PLEKHA8: variants seen among roughly 807,000 people sequenced by gnomAD.
PLEKHA8 encodes the protein pleckstrin homology domain containing A8.
In PLEKHA8, 36 loss-of-function variants were observed where a neutral mutation model predicts 68.2. The ratio of observed to expected loss-of-function variants is 0.53; its 90% confidence interval spans 0.40 to 0.70. PLEKHA8 has a LOEUF of 0.70. Ranked by LOEUF, PLEKHA8 falls within the 30% of genes least tolerant of loss-of-function variation. The pLI, the probability that PLEKHA8 is intolerant of heterozygous loss-of-function variation, is 0.00. For missense variants in PLEKHA8, 505 were observed against 615.4 expected (o/e 0.82, Z 1.90); for synonymous variants, 211 against 216.1 (o/e 0.98, Z 0.20).
chr7:30,030,014 GA>G (rs1344285525), intron 1 of PLEKHA8, among the ~76,000 whole-genome samples: 1 of 152,140 alleles, frequency 6.6e-6, no homozygotes, highest in Non-Finnish European at 1.5e-5. Flanking sequence ...TTGCGTCAAG[GA>G]CCTTCAGTGA....
At chr7:30,122,675 C>A (rs1442606419) in intron 13 of PLEKHA8, among the ~76,000 whole-genome samples, 3 of 152,144 alleles carry the variant, frequency 2.0e-5, no homozygotes, top group Admixed American at 1.3e-4. Context: ...GTGAGCCAAT[C>A]AAATTGGAGC....
At chr7:30,085,416 A>G (rs1364574799), downstream of PLEKHA8, among the ~76,000 whole-genome samples, 2 of 152,154 alleles carry the variant, frequency 1.3e-5, no homozygotes, top group African/African-American at 4.8e-5. Context: ...GAGACACTAG[A>G]TGTAGAACAA....
chr7:30,099,814 A>G (rs1384369776), intron 13 of PLEKHA8, among the ~76,000 whole-genome samples: 1 of 152,238 alleles, frequency 6.6e-6, no homozygotes, highest in Non-Finnish European at 1.5e-5. Flanking sequence ...TAACATAACA[A>G]AAAATTCATG....
Position 30,079,917 on chromosome 7 carries a change from AG to A in PLEKHA8, c.*1132del. 1 of 974,928 alleles carries A rather than the reference AG, an allele frequency of 1.0e-6. No homozygotes were observed. Among genetic ancestry groups the A allele is most frequent in the African/African-American group, 1.8e-5 (1 of 56,528 alleles). The allele number at this position is 974,928 out of a possible 1,614,324, so 60.4% of individuals were successfully genotyped here. A position where few individuals can be genotyped will look rare whatever the true frequency, so the allele number is the denominator to read the frequency against. On this transcript the variant is annotated 3_prime_UTR_variant, in exon 14 of 14. Transcript: ENST00000449726. ...TATGTCCTTTTTTTTTTTTTCAAAGAGGATAAGGCTGCTATTTAAATAAAAT... is the reference window on the plus strand; with the variant it reads ...TATGTCCTTTTTTTTTTTTTCAAAGAGATAAGGCTGCTATTTAAATAAAAT...
At chr7:30,113,426 C>A (rs1298680867) in intron 13 of PLEKHA8, among the ~76,000 whole-genome samples, 1 of 152,186 alleles carries the variant, frequency 6.6e-6, no homozygotes, top group Non-Finnish European at 1.5e-5. Context: ...CTATTGAGTA[C>A]TGTGCTGTCA....
At chr7:30,045,271 GC>G in intron 2 of PLEKHA8, 70 bp downstream of exon 2, 2 of 1,130,562 alleles carry the variant, frequency 1.8e-6, no homozygotes, top group Non-Finnish European at 2.6e-6. Context: ...AAAGCCCCTG[GC>G]CCCTGCATAC....
chr7:30,037,534 C>T (rs1157556907), intron 1 of PLEKHA8, among the ~76,000 whole-genome samples: 1 of 152,098 alleles, frequency 6.6e-6, no homozygotes, highest in Non-Finnish European at 1.5e-5. Flanking sequence ...GACTTCTAGG[C>T]ATCATCTAAA....
intron 10 of PLEKHA8, among the ~76,000 whole-genome samples, chr7:30,061,443 G>T (rs1238011451): frequency 6.6e-6 from 1 of 152,150 alleles, no homozygotes; most frequent in Non-Finnish European, 1.5e-5. Context: ...CAGATTAAAT[G>T]TTACCTTCTT....
At chr7:30,045,971 T>C (rs1203207263) in intron 2 of PLEKHA8, among the ~76,000 whole-genome samples, 1 of 152,228 alleles carries the variant, frequency 6.6e-6, no homozygotes, top group African/African-American at 2.4e-5. Context: ...TTGTTTGGGC[T>C]GAAGTTTTTG....
At position 30,045,294 on chromosome 7, in the gene PLEKHA8, G is replaced by A. The variant is rs1791866558; in HGVS notation, c.157+93G>A. On this transcript the variant is annotated intron_variant, in intron 2 of 13. Coordinates refer to ENST00000449726, the MANE Select transcript of PLEKHA8 (RefSeq NM_001197026.2). ...TGGCCCCTGCATACCTTTCTCTGCT[G>A]CTCCCATAATACAGACCAAGGGACA... 6 of 910,034 alleles carry A rather than the reference G, an allele frequency of 6.6e-6. No individual in the cohort carries two copies. The South Asian group carries it at 9.7e-5, about 15-fold the overall frequency. The allele number at this position is 910,034 out of a possible 1,614,324, so 56.4% of individuals were successfully genotyped here.
intron 13 of PLEKHA8, among the ~76,000 whole-genome samples, chr7:30,103,808 A>C (rs1795959970): frequency 1.3e-5 from 2 of 152,260 alleles, no homozygotes. Flanking sequence ...AAAATTTCGG[A>C]TAAAGCTCCT....
chr7:30,041,527 C>T (rs1028922637), intron 1 of PLEKHA8, among the ~76,000 whole-genome samples: 1 of 151,110 alleles, frequency 6.6e-6, no homozygotes, highest in Non-Finnish European at 1.5e-5. Flanking sequence ...TCAAGCAGTC[C>T]TCCTGCCTCA....
chr7:30,114,539 T>G (rs1030908523), intron 13 of PLEKHA8, among the ~76,000 whole-genome samples: 25 of 152,264 alleles, frequency 1.6e-4, no homozygotes, highest in Admixed American at 7.2e-4. Context: ...TTTAATAATT[T>G]TAAGCATGTT....
intron 13 of PLEKHA8, among the ~76,000 whole-genome samples, chr7:30,075,454 T>C (rs953715130): frequency 6.6e-6 from 1 of 152,150 alleles, no homozygotes; most frequent in Admixed American, 6.5e-5. Context: ...TCCCACTATT[T>C]TACAAATTCA....
At chr7:30,041,854 A>G (rs1167682820) in intron 1 of PLEKHA8, among the ~76,000 whole-genome samples, 1 of 152,184 alleles carries the variant, frequency 6.6e-6, no homozygotes, top group Non-Finnish European at 1.5e-5. Context: ...TCTGAAATCA[A>G]GAAGCATCTT....
At chr7:30,084,930 A>ATCTTTT (rs1336781870), downstream of PLEKHA8, among the ~76,000 whole-genome samples, 5 of 149,642 alleles carry the variant, frequency 3.3e-5, no homozygotes, top group Admixed American at 3.3e-4. Context: ...AAACTCCAAA[A>ATCTTTT]TCTTTTTCTT....
chr7:30,045,126 T>A lies in PLEKHA8; in HGVS notation c.82T>A (p.Ser28Thr). The A allele has an allele frequency of 1.9e-6, 3 of 1,612,102 alleles. No individual in the cohort carries two copies. Among genetic ancestry groups the A allele is most frequent in the Non-Finnish European group, 2.5e-6 (3 of 1,179,212 alleles). ...GTTCCTTCTCTGTGGGGGAATATTGTCCTATTATGATTCTCCTGAAGATGC... is the reference window on the plus strand; with the variant it reads ...GTTCCTTCTCTGTGGGGGAATATTGACCTATTATGATTCTCCTGAAGATGC... ...RWFLLCGGIL[S>T]YYDSPEDAWK... is the part of the protein sequence containing the mutation. The change falls in exon 2 of 14, where the codon TCC (serine) becomes ACC (threonine). Residue 28 changes from serine to threonine, a missense_variant. By Grantham distance (58) the Ser-to-Thr change is moderately conservative (BLOSUM62 1). Coordinates refer to ENST00000449726, the MANE Select transcript of PLEKHA8 (RefSeq NM_001197026.2).
Position 30,030,683 on chromosome 7 carries a change from A to G in PLEKHA8, c.40+1881A>G, listed in dbSNP as rs143217277. Among the ~76,000 whole-genome samples, 82 of 152,264 alleles carry G rather than the reference A, an allele frequency of 5.4e-4. No homozygotes were observed. In the East Asian group the frequency reaches 0.015, roughly 27 times the overall value. ...ACTGTTCATAGAAGCCCATCACACC[A>G]CTGGGTATTTTCCAGATATACATAG... On this transcript the variant is annotated intron_variant, in intron 1 of 13. Transcript: ENST00000449726.
chr7:30,109,150 C>T (rs1796175458), intron 13 of PLEKHA8, among the ~76,000 whole-genome samples: 1 of 152,106 alleles, frequency 6.6e-6, no homozygotes, highest in African/African-American at 2.4e-5. Context: ...ATAAAGTGCA[C>T]TAAAGGTATG....
Sources: allele counts gnomAD v4.1 joint callset (sites outside exome capture counted in the v4.1 genomes callset), GRCh38; gene constraint gnomAD v4.1.1; transcripts MANE v1.5; gene names NCBI Gene and HGNC (gene_info 2026-07-23, HGNC 2026-07-21).